Variants in LIG1 observed in about 807,000 individuals in gnomAD.
LIG1 encodes DNA ligase 1.
A neutral mutation model predicts 115.7 loss-of-function variants in LIG1; 70 were observed. The ratio of observed to expected loss-of-function variants is 0.60; its 90% CI spans 0.50 to 0.74. The LOEUF is 0.74. Among genes scored for constraint, LIG1 ranks in the 30% least tolerant of loss-of-function variants. LIG1 has a pLI of 0.00. For synonymous variants in LIG1, 487 were observed against 495.3 expected (o/e 0.98, Z 0.22); for missense variants, 1,115 against 1,225.6 (o/e 0.91, Z 1.35).
chr19:48,161,111 C>T (rs2036148712), intron 4 of LIG1: 1 of 549,606 alleles, frequency 1.8e-6, no homozygotes, highest in African/African-American at 1.9e-5. Context: ...TTCCCAGTCA[C>T]CCTATGAGGA....
chr19:48,151,956 T>TAA lies in LIG1; in HGVS notation c.467-619_467-618dup, dbSNP rs374009734. Among the ~76,000 whole-genome samples the TAA allele has an allele frequency of 6.8e-3, 1,022 of 149,702 alleles. 14 individuals carry two copies. The highest frequency in any genetic ancestry group is 0.023 in the African/African-American group (943 of 40,866). ...AGACAAAAATAAAAATCTTCAAAGT[T>TAA]AAAAAAAAAATCTTACCTCTAGGGT... On this transcript the variant is annotated intron_variant, in intron 6 of 27. Transcript: ENST00000263274.
chr19:48,154,433 C>T (rs2035708313), intron 5 of LIG1: 1 of 230,564 alleles, frequency 4.3e-6, no homozygotes, highest in Non-Finnish European at 8.8e-6. Context: ...ACCCCAGCTG[C>T]CTCGCATCTC....
chr19:48,144,901 T>C (rs2035019289), intron 9 of LIG1, among the ~76,000 whole-genome samples: 1 of 151,958 alleles, frequency 6.6e-6, no homozygotes, highest in Non-Finnish European at 1.5e-5. Context: ...AGCGCAGCTC[T>C]AGAGACAGTT....
chr19:48,117,508 A>C, intron 26 of LIG1, 130 bp downstream of exon 26: 1 of 1,052,706 alleles, frequency 9.5e-7, no homozygotes, highest in South Asian at 1.5e-5. Flanking sequence ...CACTCAAATA[A>C]AATGCAAGCT....
chr19:48,120,988 G>T, intron 24 of LIG1, 182 bp downstream of exon 24: 1 of 1,484,460 alleles, frequency 6.7e-7, no homozygotes, highest in African/African-American at 1.4e-5. Context: ...ATCCCAGCCT[G>T]TTTTTCTATA....
chr19:48,120,514 G>A, intron 24 of LIG1: 1 of 984,834 alleles, frequency 1.0e-6, no homozygotes, highest in Non-Finnish European at 1.2e-6. Context: ...GGGAATATAG[G>A]AAATACGTAA....
chr19:48,124,902 C>T (rs1191454949), intron 21 of LIG1, among the ~76,000 whole-genome samples: 1 of 151,868 alleles, frequency 6.6e-6, no homozygotes, highest in African/African-American at 2.4e-5. Flanking sequence ...GTAATCCCAG[C>T]TACTTGGGAG....
At position 48,137,567 on chromosome 19, in the gene LIG1, C is replaced by G; in HGVS notation, c.1209G>C (p.Gly403=). 1 of 1,613,496 alleles carries G rather than the reference C, an allele frequency of 6.2e-7. No individual in the cohort carries two copies. The highest frequency in any genetic ancestry group is 8.5e-7 in the Non-Finnish European group (1 of 1,180,010). Residue 403 remains glycine (G), a synonymous_variant, in exon 13 of 28, where the codon GGG becomes GGC. Transcript: ENST00000263274. The surrounding 1 kb of genome is among the most constrained non-coding windows in gnomAD (Gnocchi z 4.3). ...CGATGTCGCGGAACTTGCTGAAGAC[C>G]CCGGAGGCAGTGAGCGGAGGTGGTG... is the stretch of plus-strand genomic sequence containing the variant. ...MLPPPPLTAS[G]VFSKFRDIAR...
intron 2 of LIG1, 82 bp from the exon 3 acceptor site, chr19:48,162,433 CTTTTTTTT>C (rs781263098): frequency 3.2e-6 from 2 of 632,282 alleles, no homozygotes; most frequent in African/African-American, 4.1e-5. Context: ...CTATAACTTC[CTTTTTTTT>C]TTTTTTTTTT....
intron 10 of LIG1, 51 bp from the exon 11 acceptor site, chr19:48,143,650 G>A: frequency 4.7e-6 from 7 of 1,494,954 alleles, no homozygotes; most frequent in South Asian, 1.1e-5. Context: ...GCTATACCAT[G>A]CTGCCCGTCT....
chr19:48,127,823 T>G (rs1400342610), intron 20 of LIG1, 87 bp downstream of exon 20: 24 of 1,086,528 alleles, frequency 2.2e-5, no homozygotes, highest in Non-Finnish European at 3.3e-5. Context: ...TCTGCCCTTC[T>G]GGGCACTGGG....
intron 19 of LIG1, among the ~76,000 whole-genome samples, chr19:48,129,627 G>A (rs1435249009): frequency 6.6e-6 from 1 of 152,210 alleles, no homozygotes; most frequent in Non-Finnish European, 1.5e-5. Context: ...ACCACCAACA[G>A]GAAGCTCTAG....
rs765669797 is a variant in LIG1 at position 48,162,367 on chromosome 19, A to G, written c.18-16T>C. 19 of 1,595,784 alleles carry G rather than the reference A, an allele frequency of 1.2e-5. 3 individuals carry two copies. In the South Asian group the frequency reaches 2.0e-4, roughly 17 times the overall value. On this transcript the variant is annotated splice_polypyrimidine_tract_variant and intron_variant, in intron 2 of 27. Coordinates refer to ENST00000263274, the MANE Select transcript of LIG1 (RefSeq NM_000234.3). ...GAAAAATGACCTAGAGGAGCATAAA[A>G]GGGGGTAAAAAAAGGAGAATAACAG...
chr19:48,122,486 C>T lies in LIG1; in HGVS notation c.2232+448G>A. ...GGGTCTCTGCACCGGGGGTTTTCCT[C>T]CCTAGTGCTCTGTCCCTCACTTTGG... On this transcript the variant is annotated intron_variant, in intron 23 of 27. Transcript: ENST00000263274. The surrounding 1 kb of genome is among the most constrained non-coding windows in gnomAD (Gnocchi z 4.3). The T allele has an allele frequency of 3.6e-6, 1 of 281,224 alleles. No homozygotes were observed. The highest frequency in any genetic ancestry group is 7.0e-6 in the Non-Finnish European group (1 of 142,614). 17.4% of individuals were successfully genotyped at this position (281,224 alleles called of 1,614,324 possible). A position where few individuals can be genotyped will look rare whatever the true frequency, so the allele number is the denominator to read the frequency against.
At chr19:48,118,570 ACT>A (rs1176041126) in intron 25 of LIG1, 1 of 107,288 alleles carries the variant, frequency 9.3e-6, no homozygotes, top group Non-Finnish European at 1.7e-5. Flanking sequence ...ACAGAGTCTC[ACT>A]CTGTTTCCCA....
intron 27 of LIG1, 29 bp from the exon 28 acceptor site, chr19:48,115,761 C>T: frequency 6.3e-7 from 1 of 1,598,672 alleles, no homozygotes; most frequent in Non-Finnish European, 8.6e-7. Context: ...ACGGGGTGGT[C>T]AGAAGCTCCC....
chr19:48,143,351 G>A (rs2034897257), intron 11 of LIG1, among the ~76,000 whole-genome samples, 192 bp downstream of exon 11: 1 of 152,218 alleles, frequency 6.6e-6, no homozygotes, highest in African/African-American at 2.4e-5. Flanking sequence ...CTCTGACCAT[G>A]AGAATGAGGC....
At position 48,153,899 on chromosome 19, in the gene LIG1, C is replaced by A. The variant is rs1300493595; in HGVS notation, c.439G>T (p.Glu147Ter). 1 of 1,606,532 alleles carries A rather than the reference C, an allele frequency of 6.2e-7. No homozygotes were observed. Residue 147 changes from glutamate (E) to a stop codon, truncating the protein, a stop_gained, in exon 6 of 28, where the codon GAA becomes TAA. Coordinates refer to ENST00000263274, the MANE Select transcript of LIG1 (RefSeq NM_000234.3). LOFTEE classifies it high-confidence loss of function. The stretch of plus-strand genomic sequence containing the variant: ...TCCTCCTCCTTCTTCCTCTTGGCTT[C>A]TCTGTCCTCGTCCTCACTCTGCTCT... ...LEEQSEDEDR[E>*]AKRKKEEEEE...
intron 11 of LIG1, 74 bp from the exon 12 acceptor site, chr19:48,140,217 A>T: frequency 1.0e-6 from 1 of 985,394 alleles, no homozygotes; most frequent in Non-Finnish European, 1.6e-6. Context: ...GGGTGGGTTT[A>T]AGGGGGTGGA....
Sources: allele counts gnomAD v4.1 joint callset (sites outside exome capture counted in the v4.1 genomes callset), GRCh38; gene constraint gnomAD v4.1.1; non-coding constraint Gnocchi (gnomAD v3.1); transcripts MANE v1.5; gene names NCBI Gene and HGNC (gene_info 2026-07-23, HGNC 2026-07-21).